Variants in EPHA4 observed in about 807,000 individuals in gnomAD.
EPHA4 encodes ephrin type-A receptor 4.
Under a neutral mutation model 108.3 loss-of-function variants are expected in EPHA4, and 19 were observed. The ratio of observed to expected loss-of-function variants is 0.18; its 90% CI spans 0.12 to 0.26. The LOEUF (loss-of-function observed/expected upper bound fraction) is 0.26, where lower values mean the gene tolerates loss of function less well. Ranked by LOEUF, EPHA4 falls within the 10% of genes least tolerant of loss-of-function variation. The pLI, the probability that EPHA4 is intolerant of heterozygous loss-of-function variation, is 1.00. For missense variants in EPHA4, 917 were observed against 1,254.0 expected (o/e 0.73, Z 4.06); for synonymous variants, 449 against 455.5 (o/e 0.99, Z 0.18).
intron 3 of EPHA4, among the ~76,000 whole-genome samples, chr2:221,543,130 A>G (rs1414650038): frequency 6.6e-6 from 1 of 152,190 alleles, no homozygotes; most frequent in Non-Finnish European, 1.5e-5. Context: ...CAACTTGGCA[A>G]TTATTTGAAA....
rs1335499463 is a variant in EPHA4 at position 221,443,472 on chromosome 2, G to C, written c.1888+21C>G. The C allele has an allele frequency of 2.6e-6, 4 of 1,555,232 alleles. No individual in the cohort carries two copies. In the African/African-American group the frequency reaches 5.4e-5, roughly 21 times the overall value. ...CACCAAGAAAACAGACTCATTAGCA[G>C]ACGGACACTCAGACACTTACCAACT... On this transcript the variant is annotated intron_variant, in intron 10 of 17. Transcript: ENST00000281821.
chr2:221,516,914 G>A (rs1693005335), intron 3 of EPHA4, among the ~76,000 whole-genome samples: 1 of 152,172 alleles, frequency 6.6e-6, no homozygotes, highest in Non-Finnish European at 1.5e-5. Flanking sequence ...TCTTAGCAGA[G>A]ATTCCCAAGC....
intron 3 of EPHA4, among the ~76,000 whole-genome samples, chr2:221,512,491 TCA>T (rs1397076324): frequency 1.3e-5 from 2 of 152,212 alleles, no homozygotes; most frequent in Non-Finnish European, 2.9e-5. Context: ...CCAGGACATT[TCA>T]CAGAGGATCA....
chr2:221,467,045 G>A (rs1335407385), intron 5 of EPHA4, among the ~76,000 whole-genome samples: 5 of 152,204 alleles, frequency 3.3e-5, no homozygotes, highest in Non-Finnish European at 5.9e-5. Context: ...GGGTAAGTTC[G>A]ATATGATCCC....
intron 3 of EPHA4, among the ~76,000 whole-genome samples, chr2:221,540,555 G>A (rs769961317): frequency 6.6e-6 from 1 of 152,148 alleles, no homozygotes; most frequent in Non-Finnish European, 1.5e-5. Context: ...TGCTCTGCAC[G>A]GGACTGGGAA....
At chr2:221,495,347 C>T (rs543611514) in intron 4 of EPHA4, among the ~76,000 whole-genome samples, 1 of 152,296 alleles carries the variant, frequency 6.6e-6, no homozygotes, top group African/African-American at 2.4e-5. Flanking sequence ...CTCCTGACAG[C>T]CGTGGGGCTG....
chr2:221,546,111 A>G (rs1693989054), intron 3 of EPHA4, among the ~76,000 whole-genome samples: 1 of 152,240 alleles, frequency 6.6e-6, no homozygotes, highest in African/African-American at 2.4e-5. Context: ...CAGTTCAGGG[A>G]AAGGCATGGA....
chr2:221,461,310 T>C (rs1157596849), intron 5 of EPHA4, among the ~76,000 whole-genome samples: 1 of 152,240 alleles, frequency 6.6e-6, no homozygotes, highest in Admixed American at 6.5e-5. Context: ...CCAAATGTCT[T>C]GAATCCTGAT....
intron 4 of EPHA4, among the ~76,000 whole-genome samples, chr2:221,494,801 G>A (rs1692255163): frequency 6.6e-6 from 1 of 152,096 alleles, no homozygotes; most frequent in East Asian, 1.9e-4. Context: ...CATTCCAGAA[G>A]GGGCAGGGAA....
At chr2:221,520,569 G>T (rs1183577714) in intron 3 of EPHA4, among the ~76,000 whole-genome samples, 1 of 151,600 alleles carries the variant, frequency 6.6e-6, no homozygotes, top group African/African-American at 2.4e-5. Flanking sequence ...GAGCAAGAGG[G>T]GGGAGAGAGA....
intron 3 of EPHA4, among the ~76,000 whole-genome samples, chr2:221,536,473 T>C (rs1693672555): frequency 6.6e-6 from 1 of 152,188 alleles, no homozygotes; most frequent in Non-Finnish European, 1.5e-5. Context: ...TGAAAGATGT[T>C]TCCCCAAATC....
chr2:221,424,135 TAATAA>T (rs1689829555), intron 17 of EPHA4, among the ~76,000 whole-genome samples: 1 of 123,880 alleles, frequency 8.1e-6, no homozygotes, highest in African/African-American at 2.9e-5. Flanking sequence ...ATAATAATAA[TAATAA>T]TTTTTTTTTT....
intron 1 of EPHA4, among the ~76,000 whole-genome samples, chr2:221,570,948 G>A (rs997597441): frequency 1.1e-4 from 17 of 152,256 alleles, no homozygotes; most frequent in Non-Finnish European, 1.9e-4. Flanking sequence ...GATGGATGCC[G>A]GAAAGGAGAA....
chr2:221,572,363 T>G, upstream of EPHA4: 2 of 897,170 alleles, frequency 2.2e-6, no homozygotes, highest in East Asian at 2.7e-5. Context: ...GCCGGTGACG[T>G]GAGCCCGCCA....
chr2:221,509,378 G>C (rs528688922), intron 3 of EPHA4, among the ~76,000 whole-genome samples: 2 of 152,150 alleles, frequency 1.3e-5, no homozygotes, highest in Non-Finnish European at 2.9e-5. Flanking sequence ...TAGTTATTTC[G>C]AGATTTTTTT....
At chr2:221,542,511 G>T (rs1024115409) in intron 3 of EPHA4, among the ~76,000 whole-genome samples, 2 of 152,196 alleles carry the variant, frequency 1.3e-5, no homozygotes, top group African/African-American at 4.8e-5. Flanking sequence ...ATATTTTAAA[G>T]TCCATACTTC....
intron 15 of EPHA4, among the ~76,000 whole-genome samples, chr2:221,427,876 A>G (rs2106090493): frequency 6.6e-6 from 1 of 152,168 alleles, no homozygotes; most frequent in African/African-American, 2.4e-5. Flanking sequence ...TTTCTTTTTT[A>G]TATAAATATT....
rs561295944 is a variant in EPHA4, at chr2:221,496,417, G to A, written c.979+4600C>T. Among the ~76,000 whole-genome samples, 103 of 152,110 alleles carry A rather than the reference G, an allele frequency of 6.8e-4. 3 individuals carry two copies. The highest frequency in any genetic ancestry group is 1.1e-3 in the Non-Finnish European group (75 of 68,018). On this transcript the variant is annotated intron_variant, in intron 4 of 17. Transcript: ENST00000281821. ...GTGTCTACAGTACTAGACAATACAG[G>A]TCCATTATATTCACTAGGAAGGGAG...
chr2:221,479,134 T>G (rs1038593153), intron 5 of EPHA4, among the ~76,000 whole-genome samples: 1 of 152,204 alleles, frequency 6.6e-6, no homozygotes, highest in East Asian at 1.9e-4. Context: ...TAATCTGGTC[T>G]CATAAATGGG....
Sources: gnomAD v4.1 joint callset for allele counts (sites outside exome capture counted in the v4.1 genomes callset) on GRCh38, gnomAD v4.1.1 for gene constraint, MANE v1.5 for transcripts, NCBI Gene and HGNC (gene_info 2026-07-23, HGNC 2026-07-21) for gene names.